B3GALT1: variants seen among roughly 807,000 people sequenced by gnomAD.
B3GALT1 encodes the protein beta-1,3-galactosyltransferase 1.
In B3GALT1, 10 loss-of-function variants were observed where a neutral mutation model predicts 23.2. The ratio of observed to expected loss-of-function variants is 0.43; its 90% CI spans 0.27 to 0.73. The LOEUF (loss-of-function observed/expected upper bound fraction) is 0.73, where lower values mean the gene tolerates loss of function less well. Ranked by LOEUF, B3GALT1 falls within the 30% of genes least tolerant of loss-of-function variation. The pLI, the probability that B3GALT1 is intolerant of heterozygous loss-of-function variation, is 0.21. For missense variants in B3GALT1, 299 were observed against 405.4 expected (o/e 0.74, Z 2.25); for synonymous variants, 156 against 141.5 (o/e 1.10, Z -0.73).
chr2:167,646,689 C>A (rs1018078892), intron 2 of B3GALT1, among the ~76,000 whole-genome samples: 1 of 151,994 alleles, frequency 6.6e-6, no homozygotes, highest in Admixed American at 6.6e-5. Context: ...GGACCCACTC[C>A]CCCTTGTGAG....
intron 4 of B3GALT1, among the ~76,000 whole-genome samples, chr2:167,828,489 T>C (rs1689275240): frequency 6.6e-6 from 1 of 152,190 alleles, no homozygotes; most frequent in South Asian, 2.1e-4. Context: ...TTCTGATATT[T>C]TTTCCTGCAT....
intron 2 of B3GALT1, among the ~76,000 whole-genome samples, chr2:167,506,227 A>G (rs950676652): frequency 6.6e-5 from 10 of 152,190 alleles, no homozygotes; most frequent in South Asian, 4.1e-4. Flanking sequence ...CCCTGCTGGC[A>G]GATTTTTTGA....
intron 3 of B3GALT1, among the ~76,000 whole-genome samples, chr2:167,734,055 C>T (rs987912232): frequency 8.5e-5 from 13 of 152,198 alleles, no homozygotes; most frequent in African/African-American, 3.1e-4. Context: ...TCCCAGGCTG[C>T]TCAGTTCCAA....
intron 1 of B3GALT1, among the ~76,000 whole-genome samples, chr2:167,360,828 T>G (rs1383606707): frequency 2.0e-5 from 3 of 152,166 alleles, no homozygotes; most frequent in African/African-American, 7.2e-5. Flanking sequence ...CTAATTGTAT[T>G]TTTGTACTCC....
At chr2:167,667,506 A>G (rs1686224482) in intron 3 of B3GALT1, among the ~76,000 whole-genome samples, 1 of 152,044 alleles carries the variant, frequency 6.6e-6, no homozygotes, top group South Asian at 2.1e-4. Flanking sequence ...CTGCCTTGCT[A>G]GATTGGGGAA....
At chr2:167,339,170 A>T (rs905346724) in intron 1 of B3GALT1, among the ~76,000 whole-genome samples, 1 of 152,214 alleles carries the variant, frequency 6.6e-6, no homozygotes, top group Non-Finnish European at 1.5e-5. Flanking sequence ...GTTCATAGCA[A>T]CATTGACTGA....
rs182724609 is a variant in B3GALT1, at chr2:167,756,200, A to G, written c.-351-62472A>G. On this transcript the variant is annotated intron_variant, in intron 3 of 4. Coordinates refer to ENST00000392690, the MANE Select transcript of B3GALT1 (RefSeq NM_020981.4). ...CCCCCAGGATGCTTCTCACATTTAT[A>G]CCAACAACTTCTAATTCTCTACTTC... 1.1e-4 allele frequency among the ~76,000 whole-genome samples: 16 copies of G among 152,012 alleles called. No individual in the cohort carries two copies. The East Asian group carries it at 3.1e-3, about 30-fold the overall frequency.
chr2:167,390,038 C>A (rs917677917), intron 1 of B3GALT1, among the ~76,000 whole-genome samples: 15 of 151,996 alleles, frequency 9.9e-5, no homozygotes, highest in African/African-American at 3.4e-4. Flanking sequence ...AGGCAGAAGC[C>A]CAACTTATAT....
At chr2:167,715,549 C>G in intron 3 of B3GALT1, 2 of 1,613,758 alleles carry the variant, frequency 1.2e-6, no homozygotes, top group Non-Finnish European at 1.7e-6. Context: ...GAGATTGTAT[C>G]CTTTTTGAAA....
intron 3 of B3GALT1, among the ~76,000 whole-genome samples, chr2:167,703,936 C>T (rs982368125): frequency 2.6e-5 from 4 of 152,118 alleles, no homozygotes; most frequent in Non-Finnish European, 5.9e-5. Flanking sequence ...AATCCCAGCA[C>T]TTTGGGAGGC....
chr2:167,379,045 T>G (rs1349546500), intron 1 of B3GALT1, among the ~76,000 whole-genome samples: 1 of 152,176 alleles, frequency 6.6e-6, no homozygotes, highest in Non-Finnish European at 1.5e-5. Context: ...TACCCAAGAC[T>G]GAATAATTTA....
intron 2 of B3GALT1, among the ~76,000 whole-genome samples, chr2:167,497,309 G>A (rs187487816): frequency 6.6e-6 from 1 of 152,222 alleles, no homozygotes; most frequent in Non-Finnish European, 1.5e-5. Context: ...AGGTATCTGA[G>A]CAAATATCTG....
At chr2:167,731,320 A>G (rs1687406045) in intron 3 of B3GALT1, among the ~76,000 whole-genome samples, 1 of 152,156 alleles carries the variant, frequency 6.6e-6, no homozygotes. Flanking sequence ...TTATTTCTTT[A>G]TTCCTCAACT....
chr2:167,835,040 T>G (rs548789401), intron 4 of B3GALT1, among the ~76,000 whole-genome samples: 39 of 152,056 alleles, frequency 2.6e-4, no homozygotes, highest in African/African-American at 7.7e-4. Context: ...AAAGCCTTTT[T>G]GAGGGGAGGA....
At chr2:167,649,950 A>G (rs536218685) in intron 3 of B3GALT1, among the ~76,000 whole-genome samples, 9 of 152,128 alleles carry the variant, frequency 5.9e-5, no homozygotes, top group South Asian at 2.1e-4. Context: ...TTACAATACA[A>G]TGTTGAATAG....
intron 1 of B3GALT1, among the ~76,000 whole-genome samples, chr2:167,348,460 AAGTC>A (rs1574042859): frequency 2.0e-5 from 3 of 152,196 alleles, no homozygotes; most frequent in East Asian, 3.9e-4. Context: ...TTATTTATGA[AAGTC>A]AGGGCTTAAG....
At chr2:167,413,182 G>A (rs1321608468) in intron 1 of B3GALT1, among the ~76,000 whole-genome samples, 5 of 151,922 alleles carry the variant, frequency 3.3e-5, no homozygotes, top group Admixed American at 3.3e-4. Context: ...CAATAAAGCT[G>A]ACAAGGAGAG....
intron 1 of B3GALT1, among the ~76,000 whole-genome samples, chr2:167,337,199 A>G (rs1697070794): frequency 6.6e-6 from 1 of 152,190 alleles, no homozygotes; most frequent in Non-Finnish European, 1.5e-5. Context: ...CAGCAGAGCC[A>G]AAGGATATAT....
chr2:167,599,099 C>A (rs1684830533), intron 2 of B3GALT1, among the ~76,000 whole-genome samples: 1 of 152,146 alleles, frequency 6.6e-6, no homozygotes, highest in African/African-American at 2.4e-5. Context: ...GAGCCAACAG[C>A]AAGTAGAATT....
Sources: gnomAD v4.1 joint callset for allele counts (sites outside exome capture counted in the v4.1 genomes callset) on GRCh38, gnomAD v4.1.1 for gene constraint, MANE v1.5 for transcripts, NCBI Gene and HGNC (gene_info 2026-07-23, HGNC 2026-07-21) for gene names.